ADAMTS6: variants seen among roughly 807,000 people sequenced by gnomAD.
ADAMTS6 encodes the protein ADAM metallopeptidase with thrombospondin type 1 motif 6, also known as A disintegrin and metalloproteinase with thrombospondin motifs 6.
ADAMTS6 carries 23 observed loss-of-function variants against 144.3 expected under a neutral mutation model. The ratio of observed to expected loss-of-function variants is 0.16; its 90% CI spans 0.11 to 0.23. The LOEUF is 0.23. Among genes scored for constraint, ADAMTS6 ranks in the 10% least tolerant of loss-of-function variants. The pLI is 1.00. For synonymous variants in ADAMTS6, 444 were observed against 457.5 expected (o/e 0.97, Z 0.38); for missense variants, 999 against 1,379.6 (o/e 0.72, Z 4.37).
chr5:65,403,111 C>T (rs1754083173), intron 7 of ADAMTS6, among the ~76,000 whole-genome samples: 1 of 152,102 alleles, frequency 6.6e-6, no homozygotes, highest in African/African-American at 2.4e-5. Context: ...TCACAGTCAT[C>T]TGATATAGAT....
intron 7 of ADAMTS6, among the ~76,000 whole-genome samples, chr5:65,354,053 A>T (rs16893721): frequency 1.3e-5 from 2 of 151,732 alleles, no homozygotes; most frequent in Admixed American, 6.6e-5. Context: ...CCACCTTTCT[A>T]TGTAAATATG....
At chr5:65,291,973 T>A (rs1045145311) in intron 10 of ADAMTS6, among the ~76,000 whole-genome samples, 1 of 152,132 alleles carries the variant, frequency 6.6e-6, no homozygotes, top group African/African-American at 2.4e-5. Context: ...AATAAATGGG[T>A]TGAATGACAG....
intron 7 of ADAMTS6, among the ~76,000 whole-genome samples, chr5:65,389,062 G>C (rs1752699568): frequency 6.6e-6 from 1 of 152,092 alleles, no homozygotes; most frequent in Non-Finnish European, 1.5e-5. Flanking sequence ...AAATTAGCCG[G>C]GCGTGGTGGC....
chr5:65,458,704 C>G (rs974775028), intron 4 of ADAMTS6, among the ~76,000 whole-genome samples: 1 of 152,222 alleles, frequency 6.6e-6, no homozygotes, highest in South Asian at 2.1e-4. Flanking sequence ...GCCACTGCAC[C>G]CGGCCAACCC....
chr5:65,443,775 T>TA (rs200291688), intron 7 of ADAMTS6, among the ~76,000 whole-genome samples: 4,267 of 141,596 alleles, frequency 0.03, 124 homozygotes, highest in Admixed American at 0.1. Flanking sequence ...ATTCCTGATT[T>TA]AAAAAAAAAA....
chr5:65,303,592 CAT>C (rs1212521018), intron 9 of ADAMTS6, among the ~76,000 whole-genome samples: 2 of 151,772 alleles, frequency 1.3e-5, no homozygotes, highest in South Asian at 4.2e-4. Context: ...CTTTCATATA[CAT>C]GTTTTTGCTG....
intron 15 of ADAMTS6, among the ~76,000 whole-genome samples, chr5:65,237,387 C>CAAA (rs371275883): frequency 3.9e-5 from 3 of 77,208 alleles, no homozygotes; most frequent in African/African-American, 1.4e-4. Context: ...GACCTTGTCT[C>CAAA]AAAAAAAAAA....
chr5:65,275,353 G>GAGAAAGGAA (rs1762390303), intron 11 of ADAMTS6, among the ~76,000 whole-genome samples: 16 of 87,188 alleles, frequency 1.8e-4, no homozygotes, highest in African/African-American at 6.9e-4. Flanking sequence ...AAAGAAAGAA[G>GAGAAAGGAA]AGAAAGAAAG....
Position 65,273,854 on chromosome 5 carries a change from A to G in ADAMTS6, c.1513-407T>C, listed in dbSNP as rs982190731. 5.3e-5 allele frequency among the ~76,000 whole-genome samples: 8 copies of G among 152,336 alleles called. 1 individual carries two copies. The highest frequency in any genetic ancestry group is 6.8e-3 in the Middle Eastern group (2 of 294). On this transcript the variant is annotated intron_variant, in intron 11 of 24. Coordinates refer to ENST00000381055, the MANE Select transcript of ADAMTS6 (RefSeq NM_197941.4). ...AGATGCCAGGAAAATGACTTCTTAGATCTACCATAATATTCAAATGAAGAC... is the reference window on the plus strand; with the variant it reads ...AGATGCCAGGAAAATGACTTCTTAGGTCTACCATAATATTCAAATGAAGAC...
intron 7 of ADAMTS6, among the ~76,000 whole-genome samples, chr5:65,431,993 G>A (rs1346226686): frequency 1.3e-5 from 2 of 152,020 alleles, no homozygotes; most frequent in African/African-American, 2.4e-5. Flanking sequence ...TTTGCGAGAG[G>A]TGGGTAAAAT....
At chr5:65,216,638 A>G (rs1756938605) in intron 18 of ADAMTS6, among the ~76,000 whole-genome samples, 2 of 152,196 alleles carry the variant, frequency 1.3e-5, no homozygotes, top group South Asian at 4.1e-4. Flanking sequence ...AAAAATAGTT[A>G]AATCTTAAAA....
chr5:65,292,764 A>G (rs1459249331), intron 10 of ADAMTS6, among the ~76,000 whole-genome samples: 1 of 152,076 alleles, frequency 6.6e-6, no homozygotes, highest in Non-Finnish European at 1.5e-5. Flanking sequence ...TTTAAAAGGA[A>G]TATTAAGTAT....
chr5:65,411,274 T>A (rs576808165), intron 7 of ADAMTS6, among the ~76,000 whole-genome samples: 6 of 152,336 alleles, frequency 3.9e-5, no homozygotes, highest in African/African-American at 4.8e-5. Flanking sequence ...CTCTTCAACA[T>A]ACTGATTTCA....
chr5:65,187,774 T>C (rs1201316371), intron 22 of ADAMTS6, among the ~76,000 whole-genome samples: 18 of 152,174 alleles, frequency 1.2e-4, no homozygotes, highest in Non-Finnish European at 2.6e-4. Flanking sequence ...TATAATGTTA[T>C]TTCAAATTTA....
At chr5:65,154,481 G>A (rs1423352) in intron 24 of ADAMTS6, among the ~76,000 whole-genome samples, 81,170 of 151,978 alleles carry the variant, frequency 0.53, 21,961 homozygotes, top group Middle Eastern at 0.63. Flanking sequence ...GCTTAGGGAC[G>A]TTGGGATTAT....
intron 7 of ADAMTS6, among the ~76,000 whole-genome samples, chr5:65,429,462 T>G (rs1756823613): frequency 6.6e-6 from 1 of 152,092 alleles, no homozygotes; most frequent in African/African-American, 2.4e-5. Context: ...TATCAAAACA[T>G]CTCATGTACC....
intron 15 of ADAMTS6, among the ~76,000 whole-genome samples, chr5:65,240,202 C>G (rs989230471): frequency 4.0e-5 from 6 of 151,860 alleles, no homozygotes; most frequent in Non-Finnish European, 8.8e-5. Context: ...ACTCCTAGAC[C>G]CAAGTGATTC....
rs897515024 is a variant in ADAMTS6, at chr5:65,368,493, A to G, written c.1074-34408T>C. The stretch of plus-strand genomic sequence containing the variant: ...AATACTCTCAGGGAGAAGCCCCTCA[A>G]GATAACTTCCCTTCTTTGTAGGCAA... On this transcript the variant is annotated intron_variant, in intron 7 of 24. Coordinates refer to ENST00000381055, the MANE Select transcript of ADAMTS6 (RefSeq NM_197941.4). 1.4e-4 allele frequency among the ~76,000 whole-genome samples: 21 copies of G among 152,212 alleles called. 1 individual carries two copies. Among genetic ancestry groups the G allele is most frequent in the African/African-American group, 5.1e-4 (21 of 41,458 alleles).
intron 15 of ADAMTS6, among the ~76,000 whole-genome samples, chr5:65,230,302 A>ATATATATATGAAATATATATATAATACAT (rs1758059347): frequency 1.2e-5 from 1 of 80,144 alleles, no homozygotes; most frequent in African/African-American, 5.4e-5. Context: ...ATATATATAT[A>ATATATATATGAAATATATATATAATACAT]TATATATATG....
Sources: allele counts gnomAD v4.1 joint callset (sites outside exome capture counted in the v4.1 genomes callset), GRCh38; gene constraint gnomAD v4.1.1; transcripts MANE v1.5; gene names NCBI Gene and HGNC (gene_info 2026-07-23, HGNC 2026-07-21).